The following PCDHA1 variants were observed in gnomAD, a reference collection of about 807,000 sequenced individuals.
The protein encoded by PCDHA1 is protocadherin alpha-1.
In PCDHA1, 42 loss-of-function variants were observed where a neutral mutation model predicts 61.3. That is an observed-to-expected ratio of 0.69 (90% CI 0.54 to 0.89). The LOEUF (loss-of-function observed/expected upper bound fraction) is 0.89. PCDHA1 is among the 40% of genes least tolerant of loss of function. PCDHA1 has a pLI of 0.00. For missense variants in PCDHA1, 1,256 were observed against 1,235.3 expected (o/e 1.02, Z -0.25); for synonymous variants, 610 against 553.8 (o/e 1.10, Z -1.43).
intron 1 of PCDHA1, among the ~76,000 whole-genome samples, chr5:140,951,377 G>T (rs2094577141): frequency 6.6e-6 from 1 of 152,070 alleles, no homozygotes; most frequent in Non-Finnish European, 1.5e-5. Context: ...AAACACCCAA[G>T]ACTCGGTAAT....
intron 1 of PCDHA1, chr5:140,822,602 T>C (rs1454231935): frequency 1.9e-6 from 3 of 1,611,816 alleles, no homozygotes; most frequent in Non-Finnish European, 2.5e-6. Flanking sequence ...AATAAGGAAA[T>C]AGTGTATTTC....
chr5:140,881,398 AT>A (rs1269168835), intron 1 of PCDHA1: 1 of 975,426 alleles, frequency 1.0e-6, no homozygotes, highest in Non-Finnish European at 1.2e-6. Context: ...GTTAAATTCT[AT>A]TAAATCAATA....
chr5:140,978,061 A>G (rs1307101965), intron 1 of PCDHA1, among the ~76,000 whole-genome samples: 1 of 152,202 alleles, frequency 6.6e-6, no homozygotes, highest in Non-Finnish European at 1.5e-5. Flanking sequence ...ATGATGTCCC[A>G]GTGATTTCTG....
intron 1 of PCDHA1, chr5:140,822,937 C>T: frequency 6.2e-7 from 1 of 1,614,274 alleles, no homozygotes. Flanking sequence ...GACCTGCTCC[C>T]TAATGCCCCA....
chr5:140,829,347 C>A, intron 1 of PCDHA1: 1 of 1,614,232 alleles, frequency 6.2e-7, no homozygotes, highest in South Asian at 1.1e-5. Context: ...GAGAGCGTGT[C>A]GGCCTATGAG....
Position 140,959,507 on chromosome 5 carries a change from T to C in PCDHA1, c.2395-19442T>C, listed in dbSNP as rs144994756. 4.4e-3 allele frequency among the ~76,000 whole-genome samples: 673 copies of C among 152,282 alleles called. 7 individuals are homozygous for C. Among genetic ancestry groups the C allele is most frequent in the African/African-American group, 0.015 (604 of 41,550 alleles). On this transcript the variant is annotated intron_variant, in intron 1 of 3. Coordinates refer to ENST00000504120, the MANE Select transcript of PCDHA1 (RefSeq NM_018900.4). Reference sequence around the variant, plus strand: ...GTTATATATGGATCAAACTAAAAAATTTTAAGATCTTTAAGACCATTAATT... The same window carrying C: ...GTTATATATGGATCAAACTAAAAAACTTTAAGATCTTTAAGACCATTAATT...
intron 1 of PCDHA1, among the ~76,000 whole-genome samples, chr5:140,847,087 C>G (rs192682814): frequency 6.7e-6 from 1 of 149,796 alleles, no homozygotes; most frequent in Non-Finnish European, 1.5e-5. Flanking sequence ...GAAAAGTCCA[C>G]TTTGGTTAAA....
intron 1 of PCDHA1, chr5:140,822,863 C>G: frequency 6.2e-7 from 1 of 1,614,234 alleles, no homozygotes; most frequent in Non-Finnish European, 8.5e-7. Context: ...GAGGACGCTC[C>G]ACTCAGCACG....
chr5:140,799,800 G>T (rs1462237906), intron 1 of PCDHA1, among the ~76,000 whole-genome samples: 1 of 152,002 alleles, frequency 6.6e-6, no homozygotes, highest in Non-Finnish European at 1.5e-5. Flanking sequence ...TCACATGTTT[G>T]ATTTCATTTT....
intron 3 of PCDHA1, among the ~76,000 whole-genome samples, chr5:141,002,620 A>G (rs553505520): frequency 6.8e-4 from 104 of 152,336 alleles, no homozygotes; most frequent in African/African-American, 2.4e-3. Flanking sequence ...CACATAACAC[A>G]GACAGAGATA....
intron 1 of PCDHA1, among the ~76,000 whole-genome samples, chr5:140,944,929 CT>C (rs2093712661): frequency 6.6e-6 from 1 of 152,052 alleles, no homozygotes; most frequent in Admixed American, 6.6e-5. Context: ...TGGTTTATGC[CT>C]TCTTTAGATG....
chr5:140,849,276 G>A, intron 1 of PCDHA1: 1 of 1,173,354 alleles, frequency 8.5e-7, no homozygotes, highest in Admixed American at 2.6e-5. Flanking sequence ...CGGAACGCTG[G>A]TGATTCACCC....
At chr5:140,926,972 C>A (rs782504064) in intron 1 of PCDHA1, 2 of 1,609,464 alleles carry the variant, frequency 1.2e-6, no homozygotes. Flanking sequence ...TACTCAGTGC[C>A]GGAGGAGACG....
chr5:140,801,806 G>A (rs782356217), intron 1 of PCDHA1: 8 of 1,614,034 alleles, frequency 5.0e-6, no homozygotes, highest in Non-Finnish European at 3.4e-6. Context: ...TAAATCGAGA[G>A]GACACTCCTA....
chr5:140,919,136 G>T (rs1340753916), intron 1 of PCDHA1, among the ~76,000 whole-genome samples: 5 of 152,064 alleles, frequency 3.3e-5, no homozygotes, highest in African/African-American at 1.2e-4. Context: ...GTGTTTTGGG[G>T]CTCTATTATT....
chr5:140,978,820 TG>T, intron 1 of PCDHA1, 128 bp from the exon 2 acceptor site: 2 of 1,517,498 alleles, frequency 1.3e-6, no homozygotes, highest in Non-Finnish European at 1.8e-6. Flanking sequence ...GAGTTACACA[TG>T]AAATGGCTCA....
Position 140,848,936 on chromosome 5 carries a change from G to A in PCDHA1, c.2394+60252G>A, listed in dbSNP as rs2150425486. ...ATCTGTTCATCGCGGAATCCAGGCC[G>A]CTTGACTCTCGGTTTCCACTAGAGG... is the stretch of plus-strand genomic sequence containing the variant. On this transcript the variant is annotated intron_variant, in intron 1 of 3. Coordinates refer to ENST00000504120, the MANE Select transcript of PCDHA1 (RefSeq NM_018900.4). 2.3e-5 allele frequency: 37 copies of A among 1,607,476 alleles called. No homozygotes were observed. The East Asian group carries it at 6.7e-4, about 29-fold the overall frequency.
chr5:140,809,658 T>G (rs1554125340), intron 1 of PCDHA1: 2 of 1,487,350 alleles, frequency 1.3e-6, no homozygotes, highest in East Asian at 4.6e-5. Flanking sequence ...GAGTCAAATT[T>G]CCCTGGGTTA....
intron 1 of PCDHA1, chr5:140,817,391 G>A (rs924336993): frequency 6.6e-6 from 1 of 152,186 alleles, no homozygotes. Flanking sequence ...CATGGGAATT[G>A]GTCCTTGTAT....
Sources: allele counts gnomAD v4.1 joint callset (sites outside exome capture counted in the v4.1 genomes callset), GRCh38; gene constraint gnomAD v4.1.1; transcripts MANE v1.5; gene names NCBI Gene and HGNC (gene_info 2026-07-23, HGNC 2026-07-21).